HSD17B7: variants seen among roughly 807,000 people sequenced by gnomAD.
HSD17B7 encodes the protein hydroxysteroid 17-beta dehydrogenase 7.
In HSD17B7, 17 loss-of-function variants were observed where a neutral mutation model predicts 34.1. The ratio of observed to expected loss-of-function variants is 0.50; its 90% CI spans 0.34 to 0.75. The LOEUF (loss-of-function observed/expected upper bound fraction) is 0.75, where lower values mean the gene tolerates loss of function less well. Ranked by LOEUF, HSD17B7 falls within the 30% of genes least tolerant of loss-of-function variation. The pLI, the probability that HSD17B7 is intolerant of heterozygous loss-of-function variation, is 0.01. For synonymous variants in HSD17B7, 122 were observed against 154.6 expected (o/e 0.79, Z 1.56); for missense variants, 296 against 406.6 (o/e 0.73, Z 2.34).
chr1:162,798,968 TG>T, intron 4 of HSD17B7: 1 of 197,818 alleles, frequency 5.1e-6, no homozygotes, highest in Non-Finnish European at 1.1e-5. Context: ...GACTCCAGCC[TG>T]GGCAACAACA....
At chr1:162,812,208 T>A (rs1376759628) in intron 8 of HSD17B7, 90 bp from the exon 9 acceptor site, 19 of 1,456,868 alleles carry the variant, frequency 1.3e-5, no homozygotes, top group Non-Finnish European at 1.6e-5. Flanking sequence ...CCTTTCTTTT[T>A]ATTTCATATA....
intron 5 of HSD17B7, among the ~76,000 whole-genome samples, chr1:162,801,440 G>A (rs1466960991): frequency 1.3e-5 from 2 of 152,192 alleles, no homozygotes; most frequent in African/African-American, 2.4e-5. Context: ...TGGGAAGATT[G>A]ACTGAGGGGG....
rs1490507456 is a variant in HSD17B7 at position 162,794,290 on chromosome 1, C to T, written c.239+1428C>T. On this transcript the variant is annotated intron_variant, in intron 2 of 8. Coordinates refer to ENST00000254521, the MANE Select transcript of HSD17B7 (RefSeq NM_016371.4). The stretch of plus-strand genomic sequence containing the variant: ...TGAAGATGTTTGCTGAATAAAAATA[C>T]TTCACATTTTATGTGAATTGATAAT... Among the ~76,000 whole-genome samples the T allele has an allele frequency of 2.0e-5, 3 of 152,140 alleles. No homozygotes were observed. The East Asian group carries it at 5.8e-4, about 29-fold the overall frequency.
At chr1:162,811,821 A>T (rs1216930229) in intron 8 of HSD17B7, among the ~76,000 whole-genome samples, 2 of 152,224 alleles carry the variant, frequency 1.3e-5, no homozygotes, top group Admixed American at 1.3e-4. Context: ...CACTAGCCAG[A>T]ACATAGTCTC....
At chr1:162,798,274 T>A (rs1648687527) in intron 4 of HSD17B7, 1 of 191,854 alleles carries the variant, frequency 5.2e-6, no homozygotes, top group Non-Finnish European at 1.1e-5. Flanking sequence ...TTAACTAAAG[T>A]ACACACTTTA....
rs1463871837 is a variant in HSD17B7, at chr1:162,792,806, G to A, written c.183G>A (p.Gln61=). The change falls in exon 2 of 9, where the codon CAG becomes CAA. Residue 61 remains glutamine (Q), a synonymous_variant. Transcript: ENST00000254521. The stretch of plus-strand genomic sequence containing the variant: ...CCACTGCTGAGGTCACCATTGTCCA[G>A]GTGGATGTCAGCAACCTGCAGTCGG... ...SHPTAEVTIV[Q]VDVSNLQSVF... 1 of 1,614,186 alleles carries A rather than the reference G, an allele frequency of 6.2e-7. No homozygotes were observed. The highest frequency in any genetic ancestry group is 8.5e-7 in the Non-Finnish European group (1 of 1,180,034).
At chr1:162,807,803 C>T (rs986701931) in intron 8 of HSD17B7, among the ~76,000 whole-genome samples, 5 of 152,060 alleles carry the variant, frequency 3.3e-5, no homozygotes, top group Non-Finnish European at 7.4e-5. Context: ...TATCCTTTGC[C>T]CACTTGTTGA....
In HSD17B7 at chr1:162,799,941, A is replaced by T; in HGVS notation, c.642+4A>T. ...GAACAGGAACTTCAACCAGCAGGTAAGGCCTGTCTCAGTGATACGGAAATG... is the reference window on the plus strand; with the variant it reads ...GAACAGGAACTTCAACCAGCAGGTATGGCCTGTCTCAGTGATACGGAAATG... On this transcript the variant is annotated splice_donor_region_variant and intron_variant, in intron 5 of 8. Transcript: ENST00000254521. 1 of 1,613,594 alleles carries T rather than the reference A, an allele frequency of 6.2e-7. No homozygotes were observed. Among genetic ancestry groups the T allele is most frequent in the East Asian group, 2.2e-5 (1 of 44,866 alleles).
At chr1:162,806,751 T>C (rs1258037169) in intron 8 of HSD17B7, among the ~76,000 whole-genome samples, 1 of 152,238 alleles carries the variant, frequency 6.6e-6, no homozygotes, top group African/African-American at 2.4e-5. Context: ...GAATGATTTG[T>C]TTATCAAGGG....
intron 8 of HSD17B7, among the ~76,000 whole-genome samples, chr1:162,811,427 T>C (rs1407505043): frequency 2.0e-5 from 3 of 152,208 alleles, no homozygotes; most frequent in East Asian, 3.8e-4. Flanking sequence ...TTTTAGCCTT[T>C]CAATTTTGTG....
At chr1:162,796,373 G>C (rs1199398373) in intron 2 of HSD17B7, among the ~76,000 whole-genome samples, 1 of 152,166 alleles carries the variant, frequency 6.6e-6, no homozygotes, top group African/African-American at 2.4e-5. Flanking sequence ...AATGTTTACT[G>C]TAGCTAAAGA....
chr1:162,790,832 G>C lies in HSD17B7; in HGVS notation c.32G>C (p.Ser11Thr), dbSNP rs116929795. 4.4e-3 allele frequency: 7,133 copies of C among 1,613,828 alleles called. 68 individuals are homozygous for C. The East Asian group carries it at 0.047, about 11-fold the overall frequency. The change falls in exon 1 of 9, where the codon AGC becomes ACC. Residue 11 changes from serine to threonine, a missense_variant. Transcript: ENST00000254521. ...AAGGTGGTTTTGATCACCGGGGCTAGCAGGTGAGGCCTCCTTTGGGTTGGC... is the reference window on the plus strand; with the variant it reads ...AAGGTGGTTTTGATCACCGGGGCTACCAGGTGAGGCCTCCTTTGGGTTGGC... Reference protein sequence around the residue: MRKVVLITGASSGIGLALCKR... With the variant: MRKVVLITGATSGIGLALCKR...
intron 5 of HSD17B7, 150 bp downstream of exon 5, chr1:162,800,087 T>C: frequency 1.4e-6 from 1 of 739,956 alleles, no homozygotes; most frequent in Non-Finnish European, 2.4e-6. Context: ...GCAGAGATAA[T>C]TGGCTCCTGA....
At chr1:162,802,955 G>A (rs940197309) in intron 5 of HSD17B7, 5 of 153,242 alleles carry the variant, frequency 3.3e-5, no homozygotes, top group African/African-American at 1.2e-4. Flanking sequence ...TAGAGGTATG[G>A]GTCTTATGTA....
chr1:162,794,020 A>G (rs1648510727), intron 2 of HSD17B7, among the ~76,000 whole-genome samples: 1 of 152,272 alleles, frequency 6.6e-6, no homozygotes, highest in African/African-American at 2.4e-5. Flanking sequence ...AGTGAACACA[A>G]AATTGCATGT....
chr1:162,798,924 G>A (rs781289490), intron 4 of HSD17B7: 10 of 295,380 alleles, frequency 3.4e-5, no homozygotes, highest in South Asian at 2.5e-4. Flanking sequence ...AACCCGGGAA[G>A]CGGAAGTTGT....
At position 162,802,385 on chromosome 1, in the gene HSD17B7, A is replaced by G. The variant is rs78447564; in HGVS notation, c.643-1046A>G. Among the ~76,000 whole-genome samples the G allele has an allele frequency of 7.2e-5, 11 of 152,354 alleles. No homozygotes were observed. The East Asian group carries it at 1.9e-3, about 27-fold the overall frequency. ...CTTAGCTGTTTTAGGGGCAGAGCAC[A>G]TTGTTTTCTTAGGAAAAACTTTTGG... On this transcript the variant is annotated intron_variant, in intron 5 of 8. Coordinates refer to ENST00000254521, the MANE Select transcript of HSD17B7 (RefSeq NM_016371.4).
chr1:162,807,516 A>G (rs1414298995), intron 8 of HSD17B7, among the ~76,000 whole-genome samples: 2 of 152,148 alleles, frequency 1.3e-5, no homozygotes, highest in Non-Finnish European at 2.9e-5. Flanking sequence ...GTCAAATGGT[A>G]TTTCTAGTTC....
chr1:162,796,776 G>A, intron 3 of HSD17B7, 99 bp downstream of exon 3: 1 of 783,214 alleles, frequency 1.3e-6, no homozygotes, highest in Non-Finnish European at 2.3e-6. Context: ...AAGGTAAGGG[G>A]TTGTTGAAAA....
Sources: allele counts gnomAD v4.1 joint callset (sites outside exome capture counted in the v4.1 genomes callset), GRCh38; gene constraint gnomAD v4.1.1; transcripts MANE v1.5; gene names NCBI Gene and HGNC (gene_info 2026-07-23, HGNC 2026-07-21).